Variants in ARHGEF26 observed in about 807,000 individuals in gnomAD.
ARHGEF26 encodes the protein Rho guanine nucleotide exchange factor (GEF) 26.
ARHGEF26 carries 59 observed loss-of-function variants against 89.4 expected under a neutral mutation model. The observed-to-expected ratio is 0.66, with a 90% CI of 0.54 to 0.82. The LOEUF (loss-of-function observed/expected upper bound fraction) is 0.82, where lower values mean the gene tolerates loss of function less well. Among genes scored for constraint, ARHGEF26 ranks in the 40% least tolerant of loss-of-function variants. ARHGEF26 has a pLI of 0.00. For synonymous variants in ARHGEF26, 500 were observed against 428.4 expected, an observed-to-expected ratio of 1.17 and a Z score of -2.06; for missense variants, 1,234 against 1,085.6, an observed-to-expected ratio of 1.14 and a Z score of -1.92.
chr3:154,255,234 C>T, intron 14 of ARHGEF26, 97 bp from the exon 15 acceptor site: 2 of 1,296,748 alleles, frequency 1.5e-6, no homozygotes, highest in Non-Finnish European at 2.2e-6. Flanking sequence ...AGCACTTAGC[C>T]TGGGGAGGGA....
chr3:154,183,128 A>G (rs902981163), intron 6 of ARHGEF26, among the ~76,000 whole-genome samples: 11 of 152,166 alleles, frequency 7.2e-5, no homozygotes, highest in African/African-American at 2.7e-4. Flanking sequence ...GGCAGACTAC[A>G]ATCATTTAAA....
At chr3:154,143,629 T>A (rs1432223894) in intron 4 of ARHGEF26, among the ~76,000 whole-genome samples, 1 of 152,192 alleles carries the variant, frequency 6.6e-6, no homozygotes, top group African/African-American at 2.4e-5. Flanking sequence ...TATTAAAATA[T>A]TAAATGTAAC....
chr3:154,144,768 A>C (rs907186319), intron 4 of ARHGEF26, among the ~76,000 whole-genome samples: 1 of 152,116 alleles, frequency 6.6e-6, no homozygotes, highest in Non-Finnish European at 1.5e-5. Context: ...AGTACTTGCT[A>C]TTTCTTGAGA....
intron 7 of ARHGEF26, among the ~76,000 whole-genome samples, chr3:154,189,930 G>T (rs1447921479): frequency 6.6e-6 from 1 of 151,686 alleles, no homozygotes; most frequent in Non-Finnish European, 1.5e-5. Context: ...AATTGTTTCT[G>T]TATAATTTCT....
intron 3 of ARHGEF26, among the ~76,000 whole-genome samples, chr3:154,127,277 G>A (rs557609183): frequency 6.6e-6 from 1 of 152,118 alleles, no homozygotes; most frequent in South Asian, 2.1e-4. Flanking sequence ...TTCAACTCTG[G>A]TTTTAATACA....
At chr3:154,207,924 T>A (rs896086821) in intron 9 of ARHGEF26, among the ~76,000 whole-genome samples, 1 of 152,142 alleles carries the variant, frequency 6.6e-6, no homozygotes, top group East Asian at 1.9e-4. Context: ...CAAAAAAGAA[T>A]GAGATCATGT....
chr3:154,164,256 T>C (rs947849117), intron 6 of ARHGEF26, among the ~76,000 whole-genome samples: 1 of 152,066 alleles, frequency 6.6e-6, no homozygotes, highest in Non-Finnish European at 1.5e-5. Flanking sequence ...TTAAAAAAAA[T>C]TTTGAAATCA....
chr3:154,247,791 G>C (rs968969181), intron 12 of ARHGEF26, among the ~76,000 whole-genome samples: 1 of 152,048 alleles, frequency 6.6e-6, no homozygotes, highest in Non-Finnish European at 1.5e-5. Flanking sequence ...GATGTACGTC[G>C]AAGTCATGTA....
chr3:154,201,831 A>G (rs1016035305), intron 9 of ARHGEF26, among the ~76,000 whole-genome samples: 8 of 151,994 alleles, frequency 5.3e-5, no homozygotes, highest in East Asian at 1.9e-4. Flanking sequence ...CATATCCTTC[A>G]CCCACTTGTT....
At chr3:154,127,133 A>G (rs1274304725) in intron 3 of ARHGEF26, among the ~76,000 whole-genome samples, 5 of 152,218 alleles carry the variant, frequency 3.3e-5, no homozygotes, top group Admixed American at 3.3e-4. Context: ...GAAGGCCTAG[A>G]ACATTACTGT....
At chr3:154,142,806 C>T (rs915211498) in intron 4 of ARHGEF26, among the ~76,000 whole-genome samples, 3 of 152,188 alleles carry the variant, frequency 2.0e-5, no homozygotes, top group African/African-American at 4.8e-5. Flanking sequence ...TTCTCAGTTA[C>T]GCAGACTCCT....
In ARHGEF26 at chr3:154,256,040, T is replaced by C; in HGVS notation, c.*567T>C. The C allele has an allele frequency of 1.0e-6, 1 of 985,738 alleles. No individual in the cohort carries two copies. The highest frequency in any genetic ancestry group is 1.2e-6 in the Non-Finnish European group (1 of 829,846). The allele number at this position is 985,738 out of a possible 1,614,324, so 61.1% of individuals were successfully genotyped here. ...AAACCTCTTCCCAGGAAGGGGACATTGACACTTGAATTTTTGTCACCTTTT... is the reference window on the plus strand; with the variant it reads ...AAACCTCTTCCCAGGAAGGGGACATCGACACTTGAATTTTTGTCACCTTTT... On this transcript the variant is annotated 3_prime_UTR_variant, in exon 15 of 15. Coordinates refer to ENST00000465093, the MANE Select transcript of ARHGEF26 (RefSeq NM_015595.4).
chr3:154,252,053 T>C (rs1381179300), intron 12 of ARHGEF26, among the ~76,000 whole-genome samples: 1 of 152,176 alleles, frequency 6.6e-6, no homozygotes, highest in African/African-American at 2.4e-5. Context: ...TAAGTCATCC[T>C]CTCTGCCTGG....
intron 4 of ARHGEF26, among the ~76,000 whole-genome samples, chr3:154,149,070 G>A (rs1208630988): frequency 6.6e-6 from 1 of 152,076 alleles, no homozygotes; most frequent in East Asian, 1.9e-4. Flanking sequence ...TTACCTATTA[G>A]CTATGTGCTC....
At chr3:154,245,009 A>G (rs957769260) in intron 12 of ARHGEF26, among the ~76,000 whole-genome samples, 10 of 152,174 alleles carry the variant, frequency 6.6e-5, no homozygotes, top group African/African-American at 2.4e-4. Flanking sequence ...GAATTTTTTA[A>G]GTCCAAAGAC....
chr3:154,256,965 C>G lies in ARHGEF26; in HGVS notation c.*1492C>G. ...AATGATTTTTACTGGCAGCTATATTCCCTCTCTGTTCTATTTGCTTTAACA... is the reference window on the plus strand; with the variant it reads ...AATGATTTTTACTGGCAGCTATATTGCCTCTCTGTTCTATTTGCTTTAACA... On this transcript the variant is annotated 3_prime_UTR_variant, in exon 15 of 15. Coordinates refer to ENST00000465093, the MANE Select transcript of ARHGEF26 (RefSeq NM_015595.4). The G allele has an allele frequency of 6.5e-7, 1 of 1,530,422 alleles. No homozygotes were observed. The highest frequency in any genetic ancestry group is 8.7e-7 in the Non-Finnish European group (1 of 1,144,606). 94.8% of individuals were successfully genotyped at this position (1,530,422 alleles called of 1,614,324 possible).
In ARHGEF26 at chr3:154,215,997, T is replaced by C. The variant is rs554771867; in HGVS notation, c.1846-1872T>C. On this transcript the variant is annotated intron_variant, in intron 9 of 14. Coordinates refer to ENST00000465093, the MANE Select transcript of ARHGEF26 (RefSeq NM_015595.4). ...ATTTCTGTACATATATGTGTGTATTTATATGTTCATATATAACATAGGAAA... is the reference window on the plus strand; with the variant it reads ...ATTTCTGTACATATATGTGTGTATTCATATGTTCATATATAACATAGGAAA... Among the ~76,000 whole-genome samples the C allele has an allele frequency of 5.5e-4, 84 of 152,320 alleles. No individual in the cohort carries two copies. The South Asian group carries it at 6.2e-3, about 11-fold the overall frequency.
chr3:154,232,197 G>T (rs892149279), intron 11 of ARHGEF26, among the ~76,000 whole-genome samples: 1 of 152,144 alleles, frequency 6.6e-6, no homozygotes, highest in Non-Finnish European at 1.5e-5. Context: ...TGGGTTCAGA[G>T]CATCCCATGA....
rs781265896 is a variant in ARHGEF26, at chr3:154,255,978, A to C, written c.*505A>C. On this transcript the variant is annotated 3_prime_UTR_variant, in exon 15 of 15. Coordinates refer to ENST00000465093, the MANE Select transcript of ARHGEF26 (RefSeq NM_015595.4). ...TTAATGCTTCGTTAACTTCAAAAGG[A>C]ACTGGTAGAGTTCAGAAGGTGAGCT... 2.9e-5 allele frequency: 29 copies of C among 985,752 alleles called. No homozygotes were observed. Among genetic ancestry groups the C allele is most frequent in the Non-Finnish European group, 3.5e-5 (29 of 830,074 alleles). 61.1% of individuals were successfully genotyped at this position (985,752 alleles called of 1,614,324 possible). A position where few individuals can be genotyped will look rare whatever the true frequency, so the allele number is the denominator to read the frequency against.
Sources: gnomAD v4.1 joint callset for allele counts (sites outside exome capture counted in the v4.1 genomes callset) on GRCh38, gnomAD v4.1.1 for gene constraint, MANE v1.5 for transcripts, NCBI Gene and HGNC (gene_info 2026-07-23, HGNC 2026-07-21) for gene names.